Variants in MCTP1 observed in about 807,000 individuals in gnomAD.
The protein encoded by MCTP1 is multiple C2 and transmembrane domain-containing protein 1.
A neutral mutation model predicts 120.6 loss-of-function variants in MCTP1; 69 were observed. The ratio of observed to expected loss-of-function variants is 0.57; its 90% CI spans 0.47 to 0.70. MCTP1 has a LOEUF of 0.70. Ranked by LOEUF, MCTP1 falls within the 30% of genes least tolerant of loss-of-function variation. The pLI is 0.00. For missense variants in MCTP1, 1,203 were observed against 1,248.8 expected, an observed-to-expected ratio of 0.96 and a Z score of 0.55; for synonymous variants, 529 against 493.1, an observed-to-expected ratio of 1.07 and a Z score of -0.96.
Position 94,800,447 on chromosome 5 carries a change from T to A in MCTP1, c.2437-1315A>T, listed in dbSNP as rs143156681. Among the ~76,000 whole-genome samples the A allele has an allele frequency of 2.0e-4, 30 of 152,266 alleles. No homozygotes were observed. In the East Asian group the frequency reaches 5.2e-3, roughly 26 times the overall value. On this transcript the variant is annotated intron_variant, in intron 17 of 22. Transcript: ENST00000515393. ...GACACCCGTCTCAGGCACAGCAGCA[T>A]GGGACATTTGCAGTCTTCTTAATAA...
chr5:94,810,288 T>C (rs1783142767), intron 17 of MCTP1, among the ~76,000 whole-genome samples: 1 of 152,178 alleles, frequency 6.6e-6, no homozygotes, highest in South Asian at 2.1e-4. Context: ...TTGAAATCAA[T>C]TTTTGATCAG....
intron 1 of MCTP1, among the ~76,000 whole-genome samples, chr5:95,255,066 T>C (rs1376612545): frequency 1.3e-5 from 2 of 152,222 alleles, no homozygotes; most frequent in Non-Finnish European, 2.9e-5. Context: ...CAGAATCTGA[T>C]ATAAAATGTA....
At chr5:95,035,241 A>T (rs1841068751) in intron 1 of MCTP1, among the ~76,000 whole-genome samples, 3 of 152,024 alleles carry the variant, frequency 2.0e-5, no homozygotes, top group Non-Finnish European at 4.4e-5. Context: ...AAGGAAAAAT[A>T]AATTATATAT....
At position 94,917,972 on chromosome 5, in the gene MCTP1, G is replaced by A. The variant is rs779690524; in HGVS notation, c.1274C>T (p.Thr425Met). The A allele has an allele frequency of 8.7e-6, 14 of 1,613,340 alleles. No homozygotes were observed. The highest frequency in any genetic ancestry group is 1.3e-5 in the African/African-American group (1 of 74,900). The change falls in exon 8 of 23, where the codon ACG becomes ATG. Residue 425 changes from threonine (T) to methionine (M), a missense_variant and splice_region_variant. Thr to Met is a moderately conservative substitution (Grantham distance 81). Around this residue, in one of 2 missense-constraint regions of MCTP1, gnomAD observed 740 missense variants for 871.1 expected, o/e 0.85. Coordinates refer to ENST00000515393, the MANE Select transcript of MCTP1 (RefSeq NM_024717.7). ...YFSVKSLFWR[T>M]CGRPALPVLG... is the part of the protein sequence containing the mutation. ...GACAGGAAGAGCTGGCCTGCCGCAC[G>A]TCTGGATGGAAATGAATGATCAGAG... is the stretch of plus-strand genomic sequence containing the variant.
chr5:94,724,020 G>A (rs181334678), intron 19 of MCTP1, among the ~76,000 whole-genome samples: 246 of 152,234 alleles, frequency 1.6e-3, no homozygotes, highest in African/African-American at 5.2e-3. Context: ...CTGACTATGA[G>A]AAAGGGAAGG....
chr5:95,262,046 G>A (rs917665696), intron 1 of MCTP1, among the ~76,000 whole-genome samples: 15 of 152,188 alleles, frequency 9.9e-5, no homozygotes, highest in African/African-American at 3.4e-4. Context: ...TGTGTCCTGA[G>A]GCCAACGGCA....
chr5:94,797,673 A>G (rs1780378712), intron 18 of MCTP1, among the ~76,000 whole-genome samples: 1 of 152,172 alleles, frequency 6.6e-6, no homozygotes, highest in Admixed American at 6.6e-5. Context: ...TTTGATATAC[A>G]TTACAAAGAA....
intron 2 of MCTP1, among the ~76,000 whole-genome samples, chr5:94,971,600 C>T (rs1420958125): frequency 6.6e-6 from 1 of 152,120 alleles, no homozygotes; most frequent in Non-Finnish European, 1.5e-5. Context: ...TTGCTTTATA[C>T]CTTTCAATTC....
intron 1 of MCTP1, among the ~76,000 whole-genome samples, chr5:95,053,573 T>G (rs1466526347): frequency 6.6e-6 from 1 of 152,168 alleles, no homozygotes; most frequent in African/African-American, 2.4e-5. Flanking sequence ...GACCGCAATT[T>G]GAGAAGCAAA....
intron 1 of MCTP1, among the ~76,000 whole-genome samples, chr5:95,111,985 G>T (rs999215316): frequency 1.3e-5 from 2 of 152,016 alleles, no homozygotes; most frequent in African/African-American, 4.8e-5. Context: ...AACTTATCTT[G>T]GTATTTCCTG....
intron 18 of MCTP1, among the ~76,000 whole-genome samples, chr5:94,790,127 T>C (rs980510734): frequency 2.6e-5 from 4 of 152,194 alleles, no homozygotes; most frequent in African/African-American, 9.7e-5. Context: ...GTCTGTCTCT[T>C]GAGAGTGACC....
At chr5:95,203,611 T>C (rs1751306637) in intron 1 of MCTP1, among the ~76,000 whole-genome samples, 1 of 152,214 alleles carries the variant, frequency 6.6e-6, no homozygotes, top group Non-Finnish European at 1.5e-5. Flanking sequence ...TTAGCATAAA[T>C]GCACATTTAA....
At position 94,954,023 on chromosome 5, in the gene MCTP1, CAT is replaced by C. The variant is rs374959087; in HGVS notation, c.839-664_839-663del. On this transcript the variant is annotated intron_variant, in intron 2 of 22. Transcript: ENST00000515393. ...ATGCATATATATACAAATATATATG[CAT>C]ATATATACAAATATATATATGCATA... Among the ~76,000 whole-genome samples the C allele has an allele frequency of 2.7e-3, 116 of 42,848 alleles. 39 individuals carry two copies. The highest frequency in any genetic ancestry group is 0.014 in the African/African-American group (114 of 8,348). 28.1% of individuals were successfully genotyped at this position (42,848 alleles called of 152,430 possible).
chr5:94,752,765 T>C (rs1236906243), intron 19 of MCTP1, among the ~76,000 whole-genome samples: 1 of 152,188 alleles, frequency 6.6e-6, no homozygotes, highest in Non-Finnish European at 1.5e-5. Context: ...AAAGACTTCA[T>C]GTAAGTAGAG....
At chr5:95,109,540 C>A (rs182898184) in intron 1 of MCTP1, among the ~76,000 whole-genome samples, 2 of 151,954 alleles carry the variant, frequency 1.3e-5, no homozygotes, top group East Asian at 3.9e-4. Flanking sequence ...AGTTTTCTAA[C>A]CATAAATTGA....
intron 10 of MCTP1, among the ~76,000 whole-genome samples, chr5:94,907,653 G>C (rs1407679079): frequency 6.6e-6 from 1 of 151,986 alleles, no homozygotes; most frequent in Non-Finnish European, 1.5e-5. Context: ...GTCTGCCCTT[G>C]AAGAACTCAT....
At chr5:94,854,539 T>C (rs1434374566) in intron 17 of MCTP1, among the ~76,000 whole-genome samples, 2 of 151,906 alleles carry the variant, frequency 1.3e-5, no homozygotes, top group African/African-American at 4.8e-5. Context: ...TCTGGTTCCA[T>C]GTCAGTGATC....
At chr5:95,178,586 C>T (rs1307473550) in intron 1 of MCTP1, among the ~76,000 whole-genome samples, 1 of 152,176 alleles carries the variant, frequency 6.6e-6, no homozygotes, top group African/African-American at 2.4e-5. Context: ...GCAATCACTG[C>T]AGTTCGCCTC....
chr5:94,921,896 T>C (rs17084291), intron 7 of MCTP1, among the ~76,000 whole-genome samples: 1,554 of 152,322 alleles, frequency 0.01, 26 homozygotes, highest in African/African-American at 0.036. Flanking sequence ...TTATACAAGG[T>C]ATTTTTATTC....
Sources: gnomAD v4.1 joint callset for allele counts (sites outside exome capture counted in the v4.1 genomes callset) on GRCh38, gnomAD v4.1.1 for gene constraint, gnomAD v4.1.1 regional missense constraint, MANE v1.5 for transcripts, NCBI Gene and HGNC (gene_info 2026-07-23, HGNC 2026-07-21) for gene names.